The following ESR1 variants were observed in gnomAD, a reference collection of about 807,000 sequenced individuals.
The protein encoded by ESR1 is estrogen receptor 1.
ESR1 carries 12 observed loss-of-function variants against 52.7 expected under a neutral mutation model. That is an observed-to-expected ratio of 0.23 (90% confidence interval 0.15 to 0.37). ESR1 has a LOEUF of 0.37. ESR1 is among the 10% of genes least tolerant of loss of function. ESR1 has a pLI of 1.00. For missense variants in ESR1, 584 were observed against 779.7 expected (o/e 0.75, Z 2.99); for synonymous variants, 305 against 316.8 (o/e 0.96, Z 0.39).
At position 152,119,494 on chromosome 6, in the gene ESR1, T is replaced by C. The variant is rs116218146; in HGVS notation, c.851-5772T>C. Among the ~76,000 whole-genome samples the C allele has an allele frequency of 3.8e-3, 577 of 152,346 alleles. 2 individuals carry two copies. Among genetic ancestry groups the C allele is most frequent in the African/African-American group, 0.013 (551 of 41,580 alleles). On this transcript the variant is annotated intron_variant, in intron 6 of 6. Transcript: ENST00000427531. ...ATATTGGATTCTTTGTTCACTTTTC[T>C]AATATTTCCCATTTGCTTGTGCAAA...
At chr6:151,825,039 A>G (rs531803589) in intron 1 of ESR1, among the ~76,000 whole-genome samples, 1 of 152,142 alleles carries the variant, frequency 6.6e-6, no homozygotes, top group Admixed American at 6.6e-5. Flanking sequence ...TCTTGGGGAA[A>G]TTATCTTATT....
At chr6:151,685,431 C>A (rs563082961) in intron 1 of ESR1, among the ~76,000 whole-genome samples, 1 of 152,158 alleles carries the variant, frequency 6.6e-6, no homozygotes, top group Admixed American at 6.5e-5. Context: ...CCGCGCCCGG[C>A]CACTGGCCTC....
intron 2 of ESR1, among the ~76,000 whole-genome samples, chr6:151,879,940 C>T (rs1466070052): frequency 6.6e-6 from 1 of 152,124 alleles, no homozygotes; most frequent in Non-Finnish European, 1.5e-5. Context: ...TACTTTGAAA[C>T]TCTCTCTCTG....
intron 3 of ESR1, among the ~76,000 whole-genome samples, chr6:151,922,216 G>A (rs2031838622): frequency 6.6e-6 from 1 of 152,126 alleles, no homozygotes; most frequent in African/African-American, 2.4e-5. Flanking sequence ...ATGGGGAAAG[G>A]ATTGCCTATT....
chr6:151,728,073 C>A (rs1191851536), intron 2 of ESR1, among the ~76,000 whole-genome samples: 1 of 152,044 alleles, frequency 6.6e-6, no homozygotes, highest in Non-Finnish European at 1.5e-5. Context: ...TTTCTCACAG[C>A]CAAATCAGGA....
chr6:151,779,961 A>G (rs1202274134), intron 2 of ESR1, among the ~76,000 whole-genome samples: 1 of 151,712 alleles, frequency 6.6e-6, no homozygotes, highest in Admixed American at 6.6e-5. Flanking sequence ...CTATGCAGCC[A>G]TAAAAAAGAA....
intron 2 of ESR1, among the ~76,000 whole-genome samples, chr6:151,771,507 T>C (rs1294382536): frequency 6.6e-6 from 1 of 152,216 alleles, no homozygotes; most frequent in Non-Finnish European, 1.5e-5. Context: ...ACACCTTTTG[T>C]TGCTATTTCA....
At chr6:151,943,100 G>T (rs1432909369) in intron 3 of ESR1, among the ~76,000 whole-genome samples, 1 of 152,116 alleles carries the variant, frequency 6.6e-6, no homozygotes, top group Non-Finnish European at 1.5e-5. Flanking sequence ...TTTGTGGGGG[G>T]CCGGGCACTG....
At chr6:152,031,199 A>G (rs1584910851) in intron 5 of ESR1, among the ~76,000 whole-genome samples, 1 of 152,366 alleles carries the variant, frequency 6.6e-6, no homozygotes, top group Non-Finnish European at 1.5e-5. Context: ...AAGATCTAAA[A>G]TTGACACCCT....
At chr6:152,011,871 C>A in intron 5 of ESR1, 77 bp downstream of exon 5, 2 of 1,510,152 alleles carry the variant, frequency 1.3e-6, no homozygotes, top group Non-Finnish European at 1.8e-6. Context: ...TTTTATTCAT[C>A]TCTCGGTGAA....
At position 152,011,945 on chromosome 6, in the gene ESR1, T is replaced by C. The variant is rs974474715; in HGVS notation, c.1235+151T>C. The C allele has an allele frequency of 7.6e-5, 60 of 792,266 alleles. No individual in the cohort carries two copies. The African/African-American group carries it at 9.1e-4, about 12-fold the overall frequency. The allele number at this position is 792,266 out of a possible 1,614,324, so 49.1% of individuals were successfully genotyped here. On this transcript the variant is annotated intron_variant, in intron 5 of 7. Transcript: ENST00000206249. Reference sequence around the variant, plus strand: ...AGAGTGCATTGGGGGTGATGAAGCCTAGTCAAATTCACAGAAAGCTAAGGA... The same window carrying C: ...AGAGTGCATTGGGGGTGATGAAGCCCAGTCAAATTCACAGAAAGCTAAGGA...
chr6:151,744,232 C>T (rs1309703551), intron 2 of ESR1, among the ~76,000 whole-genome samples: 1 of 152,118 alleles, frequency 6.6e-6, no homozygotes, highest in Non-Finnish European at 1.5e-5. Context: ...CTCTTGGGTA[C>T]CCACTTAGGA....
chr6:152,087,400 T>C (rs754810313), intron 6 of ESR1, among the ~76,000 whole-genome samples: 19 of 152,238 alleles, frequency 1.2e-4, no homozygotes, highest in Admixed American at 2.6e-4. Flanking sequence ...AGTCATAAAA[T>C]ACTTCTCATC....
At chr6:151,678,472 T>TAA (rs201615007) in intron 1 of ESR1, among the ~76,000 whole-genome samples, 7 of 137,116 alleles carry the variant, frequency 5.1e-5, no homozygotes, top group South Asian at 2.3e-4. Flanking sequence ...GACTCCATAT[T>TAA]AAAAAAAAAA....
At chr6:151,954,994 CA>C (rs57200405) in intron 4 of ESR1, among the ~76,000 whole-genome samples, 14,101 of 152,024 alleles carry the variant, frequency 0.093, 1,397 homozygotes, top group African/African-American at 0.24. Context: ...TGAGAGGTTT[CA>C]AATTGAAAAG....
At chr6:151,844,280 G>A (rs2128237321) in intron 2 of ESR1, among the ~76,000 whole-genome samples, 1 of 152,068 alleles carries the variant, frequency 6.6e-6, no homozygotes, top group East Asian at 1.9e-4. Context: ...GAGGTGTTTT[G>A]ACAACTCTCT....
chr6:152,054,565 C>T (rs148693812), intron 5 of ESR1, among the ~76,000 whole-genome samples: 3 of 152,196 alleles, frequency 2.0e-5, no homozygotes, highest in Admixed American at 1.3e-4. Context: ...TTTACGTGAT[C>T]GTGTCACCCA....
chr6:151,943,094 TG>T (rs752185514), intron 3 of ESR1, among the ~76,000 whole-genome samples: 2 of 152,060 alleles, frequency 1.3e-5, no homozygotes, highest in Non-Finnish European at 2.9e-5. Flanking sequence ...TAAACCTTTG[TG>T]GGGGGCCGGG....
intron 4 of ESR1, among the ~76,000 whole-genome samples, chr6:152,010,536 T>G (rs921944862): frequency 2.0e-5 from 3 of 152,010 alleles, no homozygotes; most frequent in Non-Finnish European, 4.4e-5. Context: ...GGGGGCTGAT[T>G]TGGAAGGCAG....
Sources: allele counts gnomAD v4.1 joint callset (sites outside exome capture counted in the v4.1 genomes callset), GRCh38; gene constraint gnomAD v4.1.1; transcripts MANE v1.5; gene names NCBI Gene and HGNC (gene_info 2026-07-23, HGNC 2026-07-21).